The following SPSB1 variants were observed in gnomAD, a reference collection of about 807,000 sequenced individuals.
SPSB1 encodes SPRY domain-containing SOCS box protein 1.
A neutral mutation model predicts 21.2 loss-of-function variants in SPSB1; 8 were observed. The ratio of observed to expected loss-of-function variants is 0.38; its 90% confidence interval spans 0.22 to 0.68. The LOEUF (loss-of-function observed/expected upper bound fraction) is 0.68, where lower values mean the gene tolerates loss of function less well. Ranked by LOEUF, SPSB1 falls within the 30% of genes least tolerant of loss-of-function variation. The probability of loss-of-function intolerance (pLI) is 0.53; values close to 1 mark genes in which losing one functional copy is unlikely to be tolerated. For missense variants in SPSB1, 242 were observed against 377.8 expected, an observed-to-expected ratio of 0.64 and a Z score of 2.98; for synonymous variants, 169 against 161.7, an observed-to-expected ratio of 1.05 and a Z score of -0.34.
intron 2 of SPSB1, among the ~76,000 whole-genome samples, chr1:9,365,981 G>A (rs543506332): frequency 3.3e-5 from 5 of 152,360 alleles, no homozygotes; most frequent in Admixed American, 2.6e-4. Flanking sequence ...GCAGGGCCGC[G>A]CAGCCTTCCA....
chr1:9,320,134 A>G (rs563633870), intron 1 of SPSB1, among the ~76,000 whole-genome samples: 2 of 152,044 alleles, frequency 1.3e-5, no homozygotes, highest in African/African-American at 4.8e-5. Flanking sequence ...CACCGGCCCC[A>G]CCCCCCACTA....
intron 1 of SPSB1, among the ~76,000 whole-genome samples, chr1:9,294,041 T>A (rs1447547851): frequency 6.6e-6 from 1 of 151,828 alleles, no homozygotes; most frequent in Non-Finnish European, 1.5e-5. Flanking sequence ...TGTGTGTGTG[T>A]GTGTGTCTGA....
intron 1 of SPSB1, among the ~76,000 whole-genome samples, chr1:9,341,321 C>G (rs1640087918): frequency 6.6e-6 from 1 of 152,190 alleles, no homozygotes; most frequent in African/African-American, 2.4e-5. Context: ...GGGGAGAGTT[C>G]GGAGATGCAG....
chr1:9,330,403 T>A (rs182937235), intron 1 of SPSB1, among the ~76,000 whole-genome samples: 1 of 152,254 alleles, frequency 6.6e-6, no homozygotes, highest in Admixed American at 6.5e-5. Context: ...AGGCGGAGGT[T>A]GCAGTGAGCC....
chr1:9,313,835 C>T (rs1160734645), intron 1 of SPSB1, among the ~76,000 whole-genome samples: 8 of 152,160 alleles, frequency 5.3e-5, no homozygotes, highest in Admixed American at 3.3e-4. Context: ...ATCGGAGAGG[C>T]GAGATGGCTG....
chr1:9,303,447 G>T (rs1424266555), intron 1 of SPSB1, among the ~76,000 whole-genome samples: 1 of 152,120 alleles, frequency 6.6e-6, no homozygotes, highest in Non-Finnish European at 1.5e-5. Context: ...AGAATTGCTG[G>T]GAGTATTTCC....
At chr1:9,360,446 T>A (rs944762400) in intron 2 of SPSB1, among the ~76,000 whole-genome samples, 1 of 152,150 alleles carries the variant, frequency 6.6e-6, no homozygotes, top group Non-Finnish European at 1.5e-5. Flanking sequence ...CTCCTGGAGC[T>A]GCTGAACACA....
At chr1:9,337,561 C>G (rs905193235) in intron 1 of SPSB1, among the ~76,000 whole-genome samples, 1 of 152,168 alleles carries the variant, frequency 6.6e-6, no homozygotes, top group Non-Finnish European at 1.5e-5. Flanking sequence ...CACCCCAGCC[C>G]TCTGCGGGCT....
intron 1 of SPSB1, among the ~76,000 whole-genome samples, chr1:9,335,628 C>T (rs1437720854): frequency 1.3e-5 from 2 of 152,088 alleles, no homozygotes; most frequent in South Asian, 2.1e-4. Context: ...GGGGGAGATC[C>T]CATCTCTACA....
At chr1:9,318,371 C>CG (rs1244890210) in intron 1 of SPSB1, among the ~76,000 whole-genome samples, 1 of 152,242 alleles carries the variant, frequency 6.6e-6, no homozygotes, top group African/African-American at 2.4e-5. Flanking sequence ...GCCTGAGGCA[C>CG]AGCATTTCCA....
At position 9,312,294 on chromosome 1, in the gene SPSB1, T is replaced by TG. The variant is rs1334428383; in HGVS notation, c.-150+19226dup. On this transcript the variant is annotated intron_variant, in intron 1 of 2. Transcript: ENST00000328089. Reference sequence around the variant, plus strand: ...TTCCCAACTTGGCCTCCCAAAGCTCTGGGATTACAGGCACGAGCCATTGTG... The same window carrying TG: ...TTCCCAACTTGGCCTCCCAAAGCTCTGGGGATTACAGGCACGAGCCATTGTG... Among the ~76,000 whole-genome samples the TG allele has an allele frequency of 1.8e-4, 27 of 152,210 alleles. No individual in the cohort carries two copies. In the East Asian group the frequency reaches 3.9e-3, roughly 22 times the overall value.
At chr1:9,350,320 G>T (rs1450758786) in intron 1 of SPSB1, among the ~76,000 whole-genome samples, 1 of 152,224 alleles carries the variant, frequency 6.6e-6, no homozygotes, top group Non-Finnish European at 1.5e-5. Flanking sequence ...GTTTGGTGGG[G>T]CAGGAGGGGT....
intron 1 of SPSB1, among the ~76,000 whole-genome samples, chr1:9,353,715 T>C (rs1640313546): frequency 6.6e-6 from 1 of 152,022 alleles, no homozygotes; most frequent in African/African-American, 2.4e-5. Context: ...GGTCAGGAGT[T>C]CGAGACCAGC....
At chr1:9,329,431 C>T (rs1279233334) in intron 1 of SPSB1, among the ~76,000 whole-genome samples, 2 of 151,834 alleles carry the variant, frequency 1.3e-5, no homozygotes, top group African/African-American at 2.4e-5. Flanking sequence ...TGAGAGGATC[C>T]GAGGAAGGGA....
At chr1:9,350,045 C>A (rs1640231425) in intron 1 of SPSB1, among the ~76,000 whole-genome samples, 2 of 151,962 alleles carry the variant, frequency 1.3e-5, no homozygotes, top group Non-Finnish European at 2.9e-5. Flanking sequence ...ACACCACACA[C>A]ATATACACAC....
chr1:9,312,469 C>T (rs769373732), intron 1 of SPSB1, among the ~76,000 whole-genome samples: 4 of 152,156 alleles, frequency 2.6e-5, no homozygotes, highest in Non-Finnish European at 5.9e-5. Flanking sequence ...TGTAAATGTA[C>T]ACATTGATGA....
At chr1:9,320,116 C>G (rs1244685104) in intron 1 of SPSB1, among the ~76,000 whole-genome samples, 2 of 152,194 alleles carry the variant, frequency 1.3e-5, no homozygotes, top group African/African-American at 2.4e-5. Flanking sequence ...GTCCAGGCGT[C>G]TGCTTCTCAC....
At chr1:9,354,384 T>G (rs947766386) in intron 1 of SPSB1, among the ~76,000 whole-genome samples, 1 of 152,142 alleles carries the variant, frequency 6.6e-6, no homozygotes, top group Non-Finnish European at 1.5e-5. Flanking sequence ...GGAGCCTGCC[T>G]TGCCCCTGGC....
Position 9,293,719 on chromosome 1 carries a change from C to T in SPSB1, c.-150+648C>T, listed in dbSNP as rs1417878682. ...GAAAAACAAGGGCGGCCTGGGCCCG[C>T]GGGAGGAACCGCGGATGGGTCACCG... On this transcript the variant is annotated intron_variant, in intron 1 of 2. Coordinates refer to ENST00000328089, the MANE Select transcript of SPSB1 (RefSeq NM_025106.4). The surrounding 1 kb of genome is among the most constrained non-coding windows in gnomAD (Gnocchi z 5.1). 6.6e-6 allele frequency among the ~76,000 whole-genome samples: 1 copy of T among 152,116 alleles called. No individual in the cohort carries two copies. The highest frequency in any genetic ancestry group is 6.5e-5 in the Admixed American group (1 of 15,282).
Sources: gnomAD v4.1 joint callset for allele counts (sites outside exome capture counted in the v4.1 genomes callset) on GRCh38, gnomAD v4.1.1 for gene constraint, Gnocchi (gnomAD v3.1) non-coding constraint, MANE v1.5 for transcripts, NCBI Gene and HGNC (gene_info 2026-07-23, HGNC 2026-07-21) for gene names.